Variants in SKAP1 observed in about 807,000 individuals in gnomAD.
The protein encoded by SKAP1 is src kinase associated phosphoprotein 1, also known as src kinase-associated phosphoprotein 1.
Under a neutral mutation model 58.5 loss-of-function variants are expected in SKAP1, and 44 were observed. That is an observed-to-expected ratio of 0.75 (90% confidence interval 0.59 to 0.97). The LOEUF is 0.97. Among genes scored for constraint, SKAP1 ranks in the 50% least tolerant of loss-of-function variants. SKAP1 has a pLI of 0.00. For synonymous variants in SKAP1, 127 were observed against 149.7 expected (o/e 0.85, Z 1.11); for missense variants, 390 against 435.2 (o/e 0.90, Z 0.92).
At chr17:48,250,560 C>G (rs997352915) in intron 4 of SKAP1, among the ~76,000 whole-genome samples, 11 of 151,896 alleles carry the variant, frequency 7.2e-5, no homozygotes, top group African/African-American at 2.7e-4. Flanking sequence ...GGATTATAGG[C>G]GTCAGCCACC....
At chr17:48,135,038 A>G (rs2063682352) in intron 12 of SKAP1, among the ~76,000 whole-genome samples, 1 of 152,076 alleles carries the variant, frequency 6.6e-6, no homozygotes, top group Non-Finnish European at 1.5e-5. Context: ...AAAAATTCCA[A>G]CCCTCTATAC....
chr17:48,312,319 ATTTGT>A (rs896973124), intron 4 of SKAP1, among the ~76,000 whole-genome samples: 3 of 152,220 alleles, frequency 2.0e-5, no homozygotes, highest in East Asian at 3.8e-4. Context: ...AATTTTCTTG[ATTTGT>A]TTTAAGTAAT....
intron 9 of SKAP1, among the ~76,000 whole-genome samples, chr17:48,178,871 C>A (rs2064328915): frequency 6.6e-6 from 1 of 152,032 alleles, no homozygotes; most frequent in African/African-American, 2.4e-5. Flanking sequence ...CTGGTAGAGG[C>A]TGGAAGTGCT....
At chr17:48,141,355 C>T in intron 11 of SKAP1, among the ~76,000 whole-genome samples, 1 of 148,436 alleles carries the variant, frequency 6.7e-6, no homozygotes, top group East Asian at 1.9e-4. Context: ...GGTGGGTTCC[C>T]AATGCCCCTT....
chr17:48,143,535 A>G (rs2063793803), intron 11 of SKAP1, among the ~76,000 whole-genome samples: 1 of 152,054 alleles, frequency 6.6e-6, no homozygotes. Context: ...TTGGTACAAG[A>G]TATGTTACTG....
intron 4 of SKAP1, among the ~76,000 whole-genome samples, chr17:48,251,579 A>G (rs974388622): frequency 1.3e-5 from 2 of 152,238 alleles, no homozygotes; most frequent in African/African-American, 4.8e-5. Context: ...TTTAAGGTCC[A>G]TCTTGGGGCA....
In SKAP1 at chr17:48,268,191, C is replaced by T. The variant is rs187387393; in HGVS notation, c.280+77714G>A. ...AGAAGAAGATGCAAAGGATATCAGTCCTGGGCAACCAAACAATCAGTAGCT... is the reference window on the plus strand; with the variant it reads ...AGAAGAAGATGCAAAGGATATCAGTTCTGGGCAACCAAACAATCAGTAGCT... On this transcript the variant is annotated intron_variant, in intron 4 of 12. Transcript: ENST00000336915. 3.8e-4 allele frequency among the ~76,000 whole-genome samples: 58 copies of T among 151,858 alleles called. No homozygotes were observed. The East Asian group carries it at 9.5e-3, about 25-fold the overall frequency.
chr17:48,414,761 GC>G (rs1000718023), intron 1 of SKAP1, among the ~76,000 whole-genome samples: 1 of 152,160 alleles, frequency 6.6e-6, no homozygotes, highest in Non-Finnish European at 1.5e-5. Context: ...TCACACCCCA[GC>G]GAAAAACTGC....
intron 1 of SKAP1, among the ~76,000 whole-genome samples, chr17:48,401,194 C>T (rs963439020): frequency 6.6e-6 from 1 of 151,738 alleles, no homozygotes; most frequent in Non-Finnish European, 1.5e-5. Context: ...TAATCCCAGC[C>T]ACTTGGGAGG....
At chr17:48,353,904 A>G (rs2066838601) in intron 3 of SKAP1, among the ~76,000 whole-genome samples, 1 of 150,188 alleles carries the variant, frequency 6.7e-6, no homozygotes, top group Non-Finnish European at 1.5e-5. Flanking sequence ...TCTCAAAAAA[A>G]AAAAAAAAGA....
chr17:48,300,486 G>C (rs551837081), intron 4 of SKAP1, among the ~76,000 whole-genome samples: 1 of 152,174 alleles, frequency 6.6e-6, no homozygotes, highest in East Asian at 1.9e-4. Flanking sequence ...CTTCAGGACT[G>C]GGTCCTGGTG....
intron 4 of SKAP1, among the ~76,000 whole-genome samples, chr17:48,326,859 C>G (rs1158039329): frequency 6.6e-6 from 1 of 150,686 alleles, no homozygotes; most frequent in African/African-American, 2.4e-5. Flanking sequence ...GTGTCGACCA[C>G]AAGGTGTGTG....
chr17:48,146,008 G>A (rs1346498279), intron 11 of SKAP1, among the ~76,000 whole-genome samples: 2 of 152,096 alleles, frequency 1.3e-5, no homozygotes, highest in East Asian at 3.9e-4. Context: ...GCATGTGTAC[G>A]TAGGCCTCGT....
At chr17:48,367,060 T>G (rs1283415988) in intron 2 of SKAP1, among the ~76,000 whole-genome samples, 2 of 152,184 alleles carry the variant, frequency 1.3e-5, no homozygotes, top group Admixed American at 6.5e-5. Context: ...TGATGCCCAC[T>G]CCAACTAACA....
chr17:48,433,615 A>G (rs1317891579), upstream of SKAP1, among the ~76,000 whole-genome samples: 1 of 152,218 alleles, frequency 6.6e-6, no homozygotes, highest in African/African-American at 2.4e-5. Flanking sequence ...GCCCTCACAG[A>G]TAAGAGGTCC....
At chr17:48,275,427 G>T (rs1280257996) in intron 4 of SKAP1, among the ~76,000 whole-genome samples, 2 of 152,088 alleles carry the variant, frequency 1.3e-5, no homozygotes, top group Admixed American at 1.3e-4. Flanking sequence ...CATCTCTCAG[G>T]ATATTATCTC....
At chr17:48,144,996 A>C (rs1181884826) in intron 11 of SKAP1, among the ~76,000 whole-genome samples, 1 of 152,194 alleles carries the variant, frequency 6.6e-6, no homozygotes, top group Non-Finnish European at 1.5e-5. Context: ...TAAGATTTAA[A>C]TTATACAAAA....
At position 48,187,937 on chromosome 17, in the gene SKAP1, C is replaced by G. The variant is rs1197857638; in HGVS notation, c.359-11G>C. The G allele has an allele frequency of 6.2e-7, 1 of 1,607,794 alleles. No individual in the cohort carries two copies. The highest frequency in any genetic ancestry group is 2.2e-5 in the East Asian group (1 of 44,854). On this transcript the variant is annotated splice_polypyrimidine_tract_variant and intron_variant, in intron 5 of 12. Transcript: ENST00000336915. ...CAAAGAAACTATGATCTAAACAGAA[C>G]AGCAGTAGGGGACATAAATTCAGGT...
At chr17:48,270,515 G>A (rs140817062) in intron 4 of SKAP1, among the ~76,000 whole-genome samples, 29,738 of 151,676 alleles carry the variant, frequency 0.2, 3,685 homozygotes, top group South Asian at 0.38. Context: ...GCTAATTTTT[G>A]TATTTTTAGT....
Sources: gnomAD v4.1 joint callset for allele counts (sites outside exome capture counted in the v4.1 genomes callset) on GRCh38, gnomAD v4.1.1 for gene constraint, MANE v1.5 for transcripts, NCBI Gene and HGNC (gene_info 2026-07-23, HGNC 2026-07-21) for gene names.